Variants in LRGUK observed in about 807,000 individuals in gnomAD.
LRGUK encodes leucine-rich repeat and guanylate kinase domain-containing protein.
A neutral mutation model predicts 76.0 loss-of-function variants in LRGUK; 65 were observed. That is an observed-to-expected ratio of 0.85 (90% CI 0.70 to 1.05). The LOEUF (loss-of-function observed/expected upper bound fraction) is 1.05, where lower values mean the gene tolerates loss of function less well. Among genes scored for constraint, LRGUK ranks in the 50% least tolerant of loss-of-function variants. LRGUK has a pLI of 0.00. For missense variants in LRGUK, 758 were observed against 732.8 expected (o/e 1.03, Z -0.40); for synonymous variants, 268 against 265.6 (o/e 1.01, Z -0.09).
chr7:134,258,373 C>G (rs1229959881), exon 19 of LRGUK: 2 of 1,613,970 alleles, frequency 1.2e-6, no homozygotes, highest in Middle Eastern at 1.6e-4. Flanking sequence ...GGATCAGGAG[C>G]CAGTGACAGT....
At chr7:134,266,192 A>C (rs1053003982), downstream of LRGUK, among the ~76,000 whole-genome samples, 1 of 152,210 alleles carries the variant, frequency 6.6e-6, no homozygotes, top group African/African-American at 2.4e-5. Flanking sequence ...CTGAAGTCTC[A>C]TTAACACACT....
chr7:134,164,030 G>C (rs1260135123), intron 7 of LRGUK, among the ~76,000 whole-genome samples: 2 of 152,094 alleles, frequency 1.3e-5, no homozygotes, highest in Non-Finnish European at 2.9e-5. Context: ...GAGATAGATT[G>C]TATAACATGG....
chr7:134,253,543 C>T (rs1563201176), intron 18 of LRGUK, among the ~76,000 whole-genome samples: 1 of 152,116 alleles, frequency 6.6e-6, no homozygotes, highest in Non-Finnish European at 1.5e-5. Context: ...GCCTGGGCGG[C>T]GTGGCTCATG....
chr7:134,199,383 A>C, exon 14 of LRGUK: 1 of 1,613,760 alleles, frequency 6.2e-7, no homozygotes, highest in South Asian at 1.1e-5. Flanking sequence ...AAAATTAATC[A>C]GAATTTTCCG....
At chr7:134,267,499 G>A (rs1802876480), downstream of LRGUK, among the ~76,000 whole-genome samples, 1 of 152,202 alleles carries the variant, frequency 6.6e-6, no homozygotes. Flanking sequence ...CGTGTTGTGG[G>A]AGGGACCTGG....
At chr7:134,274,487 A>G in the LRGUK span, among the ~76,000 whole-genome samples, 1 of 152,144 alleles carries the variant, frequency 6.6e-6, no homozygotes, top group African/African-American at 2.4e-5. Context: ...TACTAATTCA[A>G]TTTTACTGAT....
At chr7:134,232,976 A>G (rs1801936660) in intron 16 of LRGUK, among the ~76,000 whole-genome samples, 2 of 152,154 alleles carry the variant, frequency 1.3e-5, no homozygotes, top group South Asian at 4.2e-4. Context: ...TTACTTCATA[A>G]ACACTTAAAC....
At chr7:134,196,375 T>TTTATAGTTCAATGGCTATAGAA (rs1800489043) in intron 12 of LRGUK, among the ~76,000 whole-genome samples, 1 of 151,970 alleles carries the variant, frequency 6.6e-6, no homozygotes, top group African/African-American at 2.4e-5. Context: ...AGAGGCATCA[T>TTTATAGTTCAATGGCTATAGAA]TTATAGTTCA....
At chr7:134,220,406 G>A (rs1801558072) in intron 15 of LRGUK, among the ~76,000 whole-genome samples, 1 of 152,038 alleles carries the variant, frequency 6.6e-6, no homozygotes, top group South Asian at 2.1e-4. Flanking sequence ...AGTTTGGGAG[G>A]AGTTCAAGTT....
intron 11 of LRGUK, among the ~76,000 whole-genome samples, chr7:134,184,568 C>T (rs1041358243): frequency 3.9e-5 from 6 of 151,936 alleles, no homozygotes; most frequent in East Asian, 3.9e-4. Context: ...CGCGCCTGAC[C>T]GAAACAAAAT....
At chr7:134,191,264 G>A (rs182285132) in intron 11 of LRGUK, among the ~76,000 whole-genome samples, 11 of 152,214 alleles carry the variant, frequency 7.2e-5, no homozygotes, top group African/African-American at 2.7e-4. Context: ...AAACAAGTAG[G>A]CCAGCCAGGT....
intron 3 of LRGUK, among the ~76,000 whole-genome samples, chr7:134,141,446 G>A (rs1372193849): frequency 6.6e-6 from 1 of 152,182 alleles, no homozygotes; most frequent in East Asian, 1.9e-4. Flanking sequence ...GAGACACGAG[G>A]AGCTCCTGCC....
chr7:134,183,521 G>A (rs905492932), intron 10 of LRGUK, among the ~76,000 whole-genome samples: 31 of 152,228 alleles, frequency 2.0e-4, no homozygotes, highest in Middle Eastern at 3.4e-3. Context: ...GTAAATTTAC[G>A]TAAGTTCATA....
chr7:134,133,958 A>T (rs1384388478), intron 1 of LRGUK, among the ~76,000 whole-genome samples: 1 of 152,028 alleles, frequency 6.6e-6, no homozygotes, highest in East Asian at 1.9e-4. Context: ...GCTATTTTGG[A>T]GGCTGAGGTG....
chr7:134,149,476 C>T (rs1036575951), intron 5 of LRGUK, among the ~76,000 whole-genome samples: 6 of 152,006 alleles, frequency 3.9e-5, no homozygotes, highest in Non-Finnish European at 5.9e-5. Flanking sequence ...ACAGAGGGTA[C>T]GTTTTCTTGA....
At chr7:134,141,041 G>T (rs1239645565) in intron 3 of LRGUK, among the ~76,000 whole-genome samples, 1 of 152,132 alleles carries the variant, frequency 6.6e-6, no homozygotes, top group African/African-American at 2.4e-5. Context: ...GTAGGAAATC[G>T]CGGAGTGGTG....
exon 16 of LRGUK, chr7:134,209,953 G>T (rs1801180432): frequency 7.5e-6 from 3 of 399,190 alleles, no homozygotes; most frequent in Admixed American, 4.4e-5. Flanking sequence ...AGAACTCGGG[G>T]ACTCAGCCTG....
intron 1 of LRGUK, among the ~76,000 whole-genome samples, chr7:134,131,766 C>T (rs772155078): frequency 4.6e-5 from 7 of 152,082 alleles, no homozygotes; most frequent in Non-Finnish European, 8.8e-5. Context: ...TCATAGGAAT[C>T]AGGGACAGAT....
downstream of LRGUK, among the ~76,000 whole-genome samples, chr7:134,268,425 C>G (rs1274524880): frequency 2.6e-5 from 4 of 152,026 alleles, no homozygotes; most frequent in African/African-American, 9.7e-5. Context: ...TGCTGCATGG[C>G]ATAGATAATT....
Sources: gnomAD v4.1 joint callset for allele counts (sites outside exome capture counted in the v4.1 genomes callset) on GRCh38, gnomAD v4.1.1 for gene constraint, MANE v1.5 for transcripts, NCBI Gene and HGNC (gene_info 2026-07-23, HGNC 2026-07-21) for gene names.